The following PCDHGA8 variants were observed in gnomAD, a reference collection of about 807,000 sequenced individuals.
The protein encoded by PCDHGA8 is protocadherin gamma-A8.
Under a neutral mutation model 59.2 loss-of-function variants are expected in PCDHGA8, and 45 were observed. The ratio of observed to expected loss-of-function variants is 0.76; its 90% CI spans 0.60 to 0.98. The LOEUF is 0.98. Among genes scored for constraint, PCDHGA8 ranks in the 50% least tolerant of loss-of-function variants. PCDHGA8 has a pLI of 0.00. For missense variants in PCDHGA8, 1,257 were observed against 1,196.2 expected (o/e 1.05, Z -0.75); for synonymous variants, 531 against 519.0 (o/e 1.02, Z -0.32).
intron 1 of PCDHGA8, among the ~76,000 whole-genome samples, chr5:141,425,482 C>T (rs1257043728): frequency 6.6e-6 from 1 of 152,192 alleles, no homozygotes; most frequent in Non-Finnish European, 1.5e-5. Context: ...CCTATGGCAA[C>T]CTACTAGGCT....
chr5:141,404,610 T>C lies in PCDHGA8; in HGVS notation c.2424+9373T>C, dbSNP rs1207198913. ...AATGTGTCATTGAGACTGTTTGTTTTGGACCAGAATGACAATGCCCCAGAA... is the reference window on the plus strand; with the variant it reads ...AATGTGTCATTGAGACTGTTTGTTTCGGACCAGAATGACAATGCCCCAGAA... On this transcript the variant is annotated intron_variant, in intron 1 of 3. Transcript: ENST00000398604. 1 of 1,614,130 alleles carries C rather than the reference T, an allele frequency of 6.2e-7. No homozygotes were observed. Among genetic ancestry groups the C allele is most frequent in the African/African-American group, 1.3e-5 (1 of 75,054 alleles).
intron 1 of PCDHGA8, chr5:141,479,494 G>C (rs747201739): frequency 2.6e-5 from 4 of 152,256 alleles, no homozygotes; most frequent in Non-Finnish European, 5.9e-5. Flanking sequence ...CCATCAGGTT[G>C]CCTAAAGAGG....
At position 141,511,130 on chromosome 5, in the gene PCDHGA8, G is replaced by A. The variant is rs777082914; in HGVS notation, c.2756G>A (p.Gly919Asp). ...GKRDGKAPAG[G>D]NGNKKKSGKK... ...CGGGATGGCAAGGCCCCAGCAGGTG[G>A]CAATGGCAACAAGAAGAAGTCGGGC... The change falls in exon 4 of 4, where the codon GGC (glycine) becomes GAC (aspartate). Residue 919 changes from glycine (G) to aspartate (D), a missense_variant. Coordinates refer to ENST00000398604, the MANE Select transcript of PCDHGA8 (RefSeq NM_032088.2). 6.2e-7 allele frequency: 1 copy of A among 1,614,210 alleles called. No homozygotes were observed. The highest frequency in any genetic ancestry group is 1.1e-5 in the South Asian group (1 of 91,090).
intron 1 of PCDHGA8, among the ~76,000 whole-genome samples, chr5:141,429,903 T>C (rs1276564046): frequency 2.0e-5 from 3 of 152,252 alleles, no homozygotes; most frequent in African/African-American, 7.2e-5. Flanking sequence ...TAAATATTTT[T>C]GAAATATAAT....
chr5:141,418,840 C>G, intron 1 of PCDHGA8: 1 of 1,614,006 alleles, frequency 6.2e-7, no homozygotes. Flanking sequence ...GAGGATCTCT[C>G]TCAACACGGT....
chr5:141,394,073 C>T lies in PCDHGA8; in HGVS notation c.1260C>T (p.Ile420=), dbSNP rs762892708. 14 of 1,613,718 alleles carry T rather than the reference C, an allele frequency of 8.7e-6. No individual in the cohort carries two copies. The highest frequency in any genetic ancestry group is 1.1e-5 in the Non-Finnish European group (13 of 1,179,808). The change falls in exon 1 of 4, where the codon ATC becomes ATT. Residue 420 remains isoleucine (I), a synonymous_variant. Coordinates refer to ENST00000398604, the MANE Select transcript of PCDHGA8 (RefSeq NM_032088.2). ...GAGAAAATGTCTCTATCTACAATATCACAGTGATGGCCTCAGATCTAGGAA... is the reference window on the plus strand; with the variant it reads ...GAGAAAATGTCTCTATCTACAATATTACAGTGATGGCCTCAGATCTAGGAA... ...LDRENVSIYN[I]TVMASDLGTP... is the part of the protein sequence containing the mutation.
intron 1 of PCDHGA8, among the ~76,000 whole-genome samples, chr5:141,430,066 G>C (rs550834063): frequency 6.6e-6 from 1 of 151,984 alleles, no homozygotes; most frequent in Non-Finnish European, 1.5e-5. Flanking sequence ...TCATTTTTAG[G>C]TTTCCATAAT....
intron 1 of PCDHGA8, among the ~76,000 whole-genome samples, chr5:141,456,969 A>G (rs2098901241): frequency 1.4e-5 from 2 of 147,268 alleles, no homozygotes; most frequent in Non-Finnish European, 3.1e-5. Flanking sequence ...TCTCAAAACA[A>G]AACAAACAAA....
At chr5:141,421,065 A>C in intron 1 of PCDHGA8, 1 of 591,556 alleles carries the variant, frequency 1.7e-6, no homozygotes. Flanking sequence ...CACAAAGCGG[A>C]ATGAGATGGA....
chr5:141,446,188 T>G (rs566309564), intron 1 of PCDHGA8, among the ~76,000 whole-genome samples: 28 of 152,326 alleles, frequency 1.8e-4, no homozygotes, highest in African/African-American at 6.3e-4. Context: ...TTTTGTTTAT[T>G]ATTATATTCC....
intron 3 of PCDHGA8, 46 bp from the exon 4 acceptor site, chr5:141,510,901 A>G: frequency 1.9e-6 from 3 of 1,613,412 alleles, no homozygotes; most frequent in African/African-American, 2.7e-5. Flanking sequence ...GTGACTGTTG[A>G]GGACCCTAAG....
intron 1 of PCDHGA8, among the ~76,000 whole-genome samples, chr5:141,456,297 A>G (rs537379475): frequency 6.6e-6 from 1 of 152,274 alleles, no homozygotes; most frequent in African/African-American, 2.4e-5. Context: ...CGTCTAATGG[A>G]GAACAGCAGC....
intron 3 of PCDHGA8, 110 bp from the exon 4 acceptor site, chr5:141,510,837 G>A (rs969654751): frequency 1.3e-6 from 2 of 1,586,392 alleles, no homozygotes; most frequent in Non-Finnish European, 8.6e-7. Context: ...GCTCAGCGTG[G>A]TCAAGGCCCA....
Position 141,491,687 on chromosome 5 carries a change from G to A in PCDHGA8, c.2425-3120G>A. On this transcript the variant is annotated intron_variant, in intron 1 of 3. Transcript: ENST00000398604. This position sits in a 1 kb window ranked among gnomAD's most constrained non-coding sequence, Gnocchi z 6.9. Reference sequence around the variant, plus strand: ...ATCCGGTCCCGCTCTAATACGCTGCGGGAGCGGAGCCAGGTGAGGGGCTCG... The same window carrying A: ...ATCCGGTCCCGCTCTAATACGCTGCAGGAGCGGAGCCAGGTGAGGGGCTCG... The A allele has an allele frequency of 6.2e-7, 1 of 1,613,072 alleles. No homozygotes were observed. The highest frequency in any genetic ancestry group is 8.5e-7 in the Non-Finnish European group (1 of 1,179,608).
chr5:141,447,360 A>G (rs1471046883), intron 1 of PCDHGA8, among the ~76,000 whole-genome samples: 1 of 151,914 alleles, frequency 6.6e-6, no homozygotes, highest in Non-Finnish European at 1.5e-5. Context: ...GCTGGTCTCA[A>G]ACTCCTGACC....
rs866710706 is a variant in PCDHGA8, at chr5:141,485,167, G to A, written c.2425-9640G>A. On this transcript the variant is annotated intron_variant, in intron 1 of 3. Transcript: ENST00000398604. The surrounding 1 kb of genome is among the most constrained non-coding windows in gnomAD (Gnocchi z 5.7). ...AGGAGCAAGTAGAGAATTAGCGGGC[G>A]GCAGCAATGCTCCGCAAGGTGAGAA... The A allele has an allele frequency of 6.2e-7, 1 of 1,608,386 alleles. No homozygotes were observed.
chr5:141,506,115 T>C (rs1211973354), intron 3 of PCDHGA8, among the ~76,000 whole-genome samples: 1 of 152,062 alleles, frequency 6.6e-6, no homozygotes, highest in Admixed American at 6.5e-5. Context: ...GAAGAGTCAC[T>C]AGGGCCCAGA....
intron 1 of PCDHGA8, chr5:141,399,710 T>C: frequency 6.2e-7 from 1 of 1,613,346 alleles, no homozygotes; most frequent in South Asian, 1.1e-5. Flanking sequence ...GAACTCACAC[T>C]ACAGGCCCGC....
chr5:141,415,853 G>A, intron 1 of PCDHGA8: 1 of 1,186,350 alleles, frequency 8.4e-7, no homozygotes, highest in Non-Finnish European at 1.1e-6. Flanking sequence ...GCAGAACCTT[G>A]TAGTTTATAG....
Sources: allele counts gnomAD v4.1 joint callset (sites outside exome capture counted in the v4.1 genomes callset), GRCh38; gene constraint gnomAD v4.1.1; non-coding constraint Gnocchi (gnomAD v3.1); transcripts MANE v1.5; gene names NCBI Gene and HGNC (gene_info 2026-07-23, HGNC 2026-07-21).